Variants in SLC7A5 observed in about 807,000 individuals in gnomAD.
SLC7A5 encodes large neutral amino acids transporter small subunit 1.
A neutral mutation model predicts 50.2 loss-of-function variants in SLC7A5; 23 were observed. That is an observed-to-expected ratio of 0.46 (90% CI 0.33 to 0.65). The LOEUF is 0.65. Among genes scored for constraint, SLC7A5 ranks in the 30% least tolerant of loss-of-function variants. The probability of loss-of-function intolerance (pLI) is 0.02; values close to 1 mark genes in which losing one functional copy is unlikely to be tolerated. For missense variants in SLC7A5, 578 were observed against 684.4 expected, an observed-to-expected ratio of 0.84 and a Z score of 1.73; for synonymous variants, 393 against 330.6, an observed-to-expected ratio of 1.19 and a Z score of -2.05.
Position 87,853,867 on chromosome 16 carries a change from C to A in SLC7A5, c.539-2018G>T, listed in dbSNP as rs2055272623. The A allele has an allele frequency of 6.6e-6, 1 of 152,154 alleles. No individual in the cohort carries two copies. The highest frequency in any genetic ancestry group is 2.4e-5 in the African/African-American group (1 of 41,378). The allele number at this position is 152,154 out of a possible 1,614,324, so 9.4% of individuals were successfully genotyped here. A position where few individuals can be genotyped will look rare whatever the true frequency, so the allele number is the denominator to read the frequency against. ...CCACCACTGAACTCCAGACACCAGACAGGCGCTGCGGAGACACTGAGCACT... is the reference window on the plus strand; with the variant it reads ...CCACCACTGAACTCCAGACACCAGAAAGGCGCTGCGGAGACACTGAGCACT... On this transcript the variant is annotated intron_variant, in intron 1 of 9. Coordinates refer to ENST00000261622, the MANE Select transcript of SLC7A5 (RefSeq NM_003486.7). This position sits in a 1 kb window ranked among gnomAD's most constrained non-coding sequence, Gnocchi z 4.4.
At position 87,837,906 on chromosome 16, in the gene SLC7A5, G is replaced by A. The variant is rs1299223288; in HGVS notation, c.1079C>T (p.Pro360Leu). 4 of 1,608,202 alleles carry A rather than the reference G, an allele frequency of 2.5e-6. No homozygotes were observed. The highest frequency in any genetic ancestry group is 3.4e-6 in the Non-Finnish European group (4 of 1,178,392). ...TGGGTGGATCATGGAGAGGATGGAG[G>A]GCAGGTGGCCTTCCCGGGACCCCAC... ...FFVGSREGHLPSILSMIHPQL... is the reference protein window; with the variant it reads ...FFVGSREGHLLSILSMIHPQL... The change falls in exon 7 of 10, where the codon CCC (proline) becomes CTC (leucine). Residue 360 changes from proline to leucine, a missense_variant. Transcript: ENST00000261622.
At chr16:87,834,776 G>T (rs2054977348) in intron 8 of SLC7A5, 185 bp from the exon 9 acceptor site, 2 of 653,758 alleles carry the variant, frequency 3.1e-6, no homozygotes, top group African/African-American at 1.8e-5. Context: ...TCTGCATACA[G>T]TGCTGGGCAT....
Position 87,862,783 on chromosome 16 carries a change from G to A in SLC7A5, c.538+6102C>T, listed in dbSNP as rs1206095109. ...AGAAACAGGCTCGGCGGGGCCAGGT[G>A]GATTTCTCAAAGCCTTGGTTGCTTT... On this transcript the variant is annotated intron_variant, in intron 1 of 9. Transcript: ENST00000261622. The surrounding 1 kb of genome is among the most constrained non-coding windows in gnomAD (Gnocchi z 5.3). 3.9e-5 allele frequency among the ~76,000 whole-genome samples: 6 copies of A among 152,198 alleles called. No individual in the cohort carries two copies.
At position 87,836,587 on chromosome 16, in the gene SLC7A5, TGAA is replaced by T; in HGVS notation, c.1198_1200del (p.Phe400del). Reference sequence around the variant, plus strand: ...GCCACGCAGAGCCAGTTGAAGAAGCTGAAGAAGTTGATGACGGAGAAGATGTCC... The same window carrying T: ...GCCACGCAGAGCCAGTTGAAGAAGCTGAAGTTGATGACGGAGAAGATGTCC... On this transcript the variant is annotated inframe_deletion, in exon 8 of 10. Coordinates refer to ENST00000261622, the MANE Select transcript of SLC7A5 (RefSeq NM_003486.7). 4 of 1,613,686 alleles carry T rather than the reference TGAA, an allele frequency of 2.5e-6. No homozygotes were observed. The highest frequency in any genetic ancestry group is 2.5e-6 in the Non-Finnish European group (3 of 1,180,020).
chr16:87,834,443 T>C lies in SLC7A5; in HGVS notation c.1439A>G (p.Asn480Ser). 6.4e-7 allele frequency: 1 copy of C among 1,558,368 alleles called. No homozygotes were observed. The highest frequency in any genetic ancestry group is 2.4e-5 in the East Asian group (1 of 41,952). The change falls in exon 9 of 10, where the codon AAC becomes AGC. Residue 480 changes from asparagine to serine, a missense_variant. This residue lies in a region of SLC7A5 where 465 missense variants were observed against 594.6 expected (regional missense o/e 0.78). Transcript: ENST00000261622. The stretch of plus-strand genomic sequence containing the variant: ...GCCCTGGAGGAGCCACTTGGGCTTG[T>C]TTTTCCACCAGACCCCGAAGAAGTA... ...PVYFFGVWWK[N>S]KPKWLLQGIF...
chr16:87,838,839 G>C lies in SLC7A5; in HGVS notation c.940-22C>G, dbSNP rs1167344642. 4.4e-6 allele frequency: 7 copies of C among 1,591,566 alleles called. No individual in the cohort carries two copies. The East Asian group carries it at 1.1e-4, about 25-fold the overall frequency. ...AGTCCTAGGCAGGCACAACCAGTGA[G>C]CTGGGCCCCACCGGGCCGGCCCTCG... On this transcript the variant is annotated intron_variant, in intron 5 of 9. Transcript: ENST00000261622.
intron 8 of SLC7A5, among the ~76,000 whole-genome samples, 196 bp downstream of exon 8, chr16:87,836,302 C>G (rs879715351): frequency 6.6e-6 from 1 of 152,274 alleles, no homozygotes; most frequent in South Asian, 2.1e-4. Flanking sequence ...TGAGGAACCC[C>G]GGCTCCTGCA....
At chr16:87,858,881 A>G (rs1361092624) in intron 1 of SLC7A5, among the ~76,000 whole-genome samples, 2 of 152,250 alleles carry the variant, frequency 1.3e-5, no homozygotes, top group Non-Finnish European at 2.9e-5. Context: ...AGCTAAGGCC[A>G]GGGCCTCTCC....
chr16:87,867,577 C>T (rs1018963591), intron 1 of SLC7A5, among the ~76,000 whole-genome samples: 3 of 151,052 alleles, frequency 2.0e-5, no homozygotes, highest in East Asian at 3.9e-4. Flanking sequence ...CCCCAAAGTA[C>T]GGTGTGGCAG....
intron 8 of SLC7A5, among the ~76,000 whole-genome samples, chr16:87,835,102 G>A (rs758045823): frequency 2.0e-5 from 3 of 152,282 alleles, no homozygotes; most frequent in Non-Finnish European, 4.4e-5. Context: ...GCTGCAAGGA[G>A]CCTGCAGGCC....
chr16:87,861,482 GCT>G lies in SLC7A5; in HGVS notation c.538+7401_538+7402del, dbSNP rs1275854390. Among the ~76,000 whole-genome samples the G allele has an allele frequency of 6.6e-6, 1 of 152,106 alleles. No homozygotes were observed. The highest frequency in any genetic ancestry group is 1.5e-5 in the Non-Finnish European group (1 of 68,014). On this transcript the variant is annotated intron_variant, in intron 1 of 9. Transcript: ENST00000261622. This position sits in a 1 kb window ranked among gnomAD's most constrained non-coding sequence, Gnocchi z 4.2. ...GTAGAGGTGGGCACTGTGGCCCCTG[GCT>G]CCTGGCTCGCTCCTGCCTCAGTTTC...
At chr16:87,857,004 G>A (rs2055330015) in intron 1 of SLC7A5, among the ~76,000 whole-genome samples, 1 of 127,476 alleles carries the variant, frequency 7.8e-6, no homozygotes, top group African/African-American at 3.9e-5. Flanking sequence ...ACACGTCACC[G>A]CCCCGGGCTC....
At chr16:87,843,659 C>T (rs549269052) in intron 2 of SLC7A5, among the ~76,000 whole-genome samples, 11 of 152,248 alleles carry the variant, frequency 7.2e-5, no homozygotes, top group East Asian at 1.9e-4. Flanking sequence ...GCATGACCAG[C>T]GGGCATTCTG....
chr16:87,847,654 C>T (rs1042444346), intron 2 of SLC7A5, among the ~76,000 whole-genome samples: 18 of 152,188 alleles, frequency 1.2e-4, no homozygotes. Context: ...CCCGAACGCA[C>T]CTTGGGAACA....
intron 2 of SLC7A5, among the ~76,000 whole-genome samples, chr16:87,846,025 A>T (rs1597501910): frequency 6.6e-6 from 1 of 151,430 alleles, no homozygotes; most frequent in South Asian, 2.1e-4. Flanking sequence ...TCCCAGAGCA[A>T]GCGGCGGGTC....
At chr16:87,834,756 C>T (rs1291309411) in intron 8 of SLC7A5, 165 bp from the exon 9 acceptor site, 8 of 723,252 alleles carry the variant, frequency 1.1e-5, no homozygotes, top group Middle Eastern at 3.7e-4. Context: ...CGGGCTGTCC[C>T]GCCCTCGACT....
In SLC7A5 at chr16:87,869,309, T is replaced by A. The variant is rs796546024; in HGVS notation, c.114A>T (p.Ala38=). The A allele has an allele frequency of 1.9e-6, 3 of 1,611,004 alleles. No individual in the cohort carries two copies. Among genetic ancestry groups the A allele is most frequent in the Non-Finnish European group, 2.5e-6 (3 of 1,179,614 alleles). Residue 38 remains alanine, a synonymous_variant, in exon 1 of 10, where the codon GCA becomes GCT. Transcript: ENST00000261622. ...AAKSADGSAP[A]GEGEGVTLQR... Reference sequence around the variant, plus strand: ...GCAGGGTCACGCCCTCGCCCTCGCCTGCCGGCGCCGAGCCGTCCGCGCTCT... The same window carrying A: ...GCAGGGTCACGCCCTCGCCCTCGCCAGCCGGCGCCGAGCCGTCCGCGCTCT...
At chr16:87,850,948 AAC>A (rs2055214322) in intron 2 of SLC7A5, among the ~76,000 whole-genome samples, 1 of 152,180 alleles carries the variant, frequency 6.6e-6, no homozygotes, top group African/African-American at 2.4e-5. Flanking sequence ...GTCAACAGAG[AAC>A]ACAGGTGCAA....
rs115675898 is a variant in SLC7A5, at chr16:87,854,984, C to T, written c.539-3135G>A. Among the ~76,000 whole-genome samples, 966 of 152,326 alleles carry T rather than the reference C, an allele frequency of 6.3e-3. 8 individuals are homozygous for T. Among genetic ancestry groups the T allele is most frequent in the African/African-American group, 0.02 (844 of 41,580 alleles). On this transcript the variant is annotated intron_variant, in intron 1 of 9. Coordinates refer to ENST00000261622, the MANE Select transcript of SLC7A5 (RefSeq NM_003486.7). ...GGCATTGACAGCAAGGCCCACAGCCCGGTGAAGGAAGGACAGCCCTGGCCA... is the reference window on the plus strand; with the variant it reads ...GGCATTGACAGCAAGGCCCACAGCCTGGTGAAGGAAGGACAGCCCTGGCCA...
Sources: allele counts gnomAD v4.1 joint callset (sites outside exome capture counted in the v4.1 genomes callset), GRCh38; gene constraint gnomAD v4.1.1; regional missense constraint gnomAD v4.1.1; non-coding constraint Gnocchi (gnomAD v3.1); transcripts MANE v1.5; gene names NCBI Gene and HGNC (gene_info 2026-07-23, HGNC 2026-07-21).